RIMBP2: variants seen among roughly 807,000 people sequenced by gnomAD.
The protein encoded by RIMBP2 is RIMS-binding protein 2.
In RIMBP2, 48 loss-of-function variants were observed where a neutral mutation model predicts 118.6. The observed-to-expected ratio is 0.40, with a 90% CI of 0.32 to 0.51. RIMBP2 has a LOEUF of 0.51. RIMBP2 is among the 20% of genes least tolerant of loss of function. RIMBP2 has a pLI of 0.41. For synonymous variants in RIMBP2, 762 were observed against 742.9 expected (o/e 1.03, Z -0.42); for missense variants, 1,551 against 1,768.3 (o/e 0.88, Z 2.20).
At chr12:130,414,100 C>T (rs754468104) in intron 18 of RIMBP2, 25 bp downstream of exon 18, 1 of 1,613,030 alleles carries the variant, frequency 6.2e-7, no homozygotes, top group South Asian at 1.1e-5. Flanking sequence ...GCTGATGAAG[C>T]CGCCCGCAGG....
chr12:130,669,512 T>C (rs894124112), intron 1 of RIMBP2, among the ~76,000 whole-genome samples: 2 of 152,018 alleles, frequency 1.3e-5, no homozygotes, highest in African/African-American at 4.8e-5. Flanking sequence ...CGAGATCTGG[T>C]GGTTTTATAA....
At position 130,579,263 on chromosome 12, in the gene RIMBP2, A is replaced by G. The variant is rs149825415; in HGVS notation, c.-217+49059T>C. 3.9e-5 allele frequency among the ~76,000 whole-genome samples: 6 copies of G among 152,260 alleles called. No individual in the cohort carries two copies. The East Asian group carries it at 1.2e-3, about 29-fold the overall frequency. ...TTCACAGTGGCTGGCCTTTTCTAGA[A>G]ACAATGTGGTTTGGACTAGGTGTCT... On this transcript the variant is annotated intron_variant, in intron 2 of 22. Transcript: ENST00000690449.
At chr12:130,492,745 G>T (rs2048758038) in intron 4 of RIMBP2, among the ~76,000 whole-genome samples, 1 of 152,170 alleles carries the variant, frequency 6.6e-6, no homozygotes, top group African/African-American at 2.4e-5. Flanking sequence ...GTACCTCTCT[G>T]AACCTCAGGT....
At chr12:130,439,842 T>TGTGTAC (rs2077957566) in intron 11 of RIMBP2, among the ~76,000 whole-genome samples, 1 of 118,714 alleles carries the variant, frequency 8.4e-6, no homozygotes, top group South Asian at 2.8e-4. Context: ...TGTATGTGTA[T>TGTGTAC]CTGTGAGTCT....
chr12:130,466,375 G>C (rs2080478569), intron 6 of RIMBP2: 1 of 152,154 alleles, frequency 6.6e-6, no homozygotes, highest in Non-Finnish European at 1.5e-5. Flanking sequence ...CCCAAAACTA[G>C]CTCAGGGTAC....
intron 2 of RIMBP2, among the ~76,000 whole-genome samples, chr12:130,533,622 A>G (rs1052440611): frequency 6.6e-6 from 1 of 152,252 alleles, no homozygotes; most frequent in Admixed American, 6.5e-5. Context: ...TGTTCACCAT[A>G]ACACTATTCA....
intron 1 of RIMBP2, among the ~76,000 whole-genome samples, chr12:130,696,257 G>A (rs2065570754): frequency 1.3e-5 from 2 of 152,228 alleles, no homozygotes; most frequent in Admixed American, 1.3e-4. Context: ...GCAGCTGCCT[G>A]GGGAGGGCAG....
At chr12:130,562,171 T>C (rs2056870637) in intron 2 of RIMBP2, among the ~76,000 whole-genome samples, 1 of 152,172 alleles carries the variant, frequency 6.6e-6, no homozygotes, top group South Asian at 2.1e-4. Context: ...AAATGAAACA[T>C]TTGTGTGTAA....
intron 3 of RIMBP2, among the ~76,000 whole-genome samples, chr12:130,509,245 TG>T (rs1169653580): frequency 6.6e-6 from 1 of 152,220 alleles, no homozygotes; most frequent in African/African-American, 2.4e-5. Context: ...CCTTTCCTTC[TG>T]GGAGTCGGAA....
At chr12:130,451,479 C>T in intron 7 of RIMBP2, 139 bp from the exon 8 acceptor site, 1 of 940,406 alleles carries the variant, frequency 1.1e-6, no homozygotes, top group South Asian at 1.7e-5. Context: ...CACCCGTCTC[C>T]TGCTCGCCAT....
At chr12:130,640,651 A>G (rs903069566) in intron 1 of RIMBP2, among the ~76,000 whole-genome samples, 1 of 152,178 alleles carries the variant, frequency 6.6e-6, no homozygotes, top group African/African-American at 2.4e-5. Flanking sequence ...CGAGGGAGAC[A>G]CCACGGCCGG....
At chr12:130,567,499 C>T (rs546153686) in intron 2 of RIMBP2, among the ~76,000 whole-genome samples, 1 of 152,338 alleles carries the variant, frequency 6.6e-6, no homozygotes, top group East Asian at 1.9e-4. Flanking sequence ...CTATCCCCCA[C>T]TCTGCCTGAA....
chr12:130,714,244 A>T (rs568603717), intron 1 of RIMBP2, among the ~76,000 whole-genome samples: 1 of 152,236 alleles, frequency 6.6e-6, no homozygotes, highest in African/African-American at 2.4e-5. Flanking sequence ...CCAACAGTGC[A>T]TGGGGCCAAA....
chr12:130,561,744 A>G (rs2056838165), intron 2 of RIMBP2, among the ~76,000 whole-genome samples: 1 of 152,140 alleles, frequency 6.6e-6, no homozygotes, highest in Admixed American at 6.5e-5. Context: ...GGGTTTCTGA[A>G]CGCAGAGGCA....
chr12:130,682,391 C>A (rs528823652), intron 1 of RIMBP2, among the ~76,000 whole-genome samples: 7 of 152,238 alleles, frequency 4.6e-5, no homozygotes, highest in Non-Finnish European at 1.0e-4. Context: ...GACCATTGCA[C>A]CTCCCTGCAA....
intron 2 of RIMBP2, among the ~76,000 whole-genome samples, chr12:130,603,081 G>A (rs1459122751): frequency 3.3e-5 from 5 of 152,128 alleles, no homozygotes; most frequent in South Asian, 2.1e-4. Flanking sequence ...TCAAGAAACA[G>A]TACTAATAAA....
rs2078908597 is a variant in RIMBP2 at position 130,450,494 on chromosome 12, C to A, written c.505-218G>T. 6.6e-6 allele frequency among the ~76,000 whole-genome samples: 1 copy of A among 151,978 alleles called. No individual in the cohort carries two copies. Among genetic ancestry groups the A allele is most frequent in the South Asian group, 2.1e-4 (1 of 4,824 alleles). ...GGACCCCTTATTACATAGGCCCCCT[C>A]TGTGTTTGTAGAGAACCCAGTCCCC... is the stretch of plus-strand genomic sequence containing the variant. On this transcript the variant is annotated intron_variant, in intron 8 of 22. Coordinates refer to ENST00000690449, the MANE Select transcript of RIMBP2 (RefSeq NM_001393629.1). This position sits in a 1 kb window ranked among gnomAD's most constrained non-coding sequence, Gnocchi z 4.8.
At chr12:130,517,554 G>A (rs1181752688) in intron 3 of RIMBP2, among the ~76,000 whole-genome samples, 2 of 152,104 alleles carry the variant, frequency 1.3e-5, no homozygotes, top group Non-Finnish European at 2.9e-5. Context: ...GTTTGGGAGA[G>A]TGGGCACCAA....
chr12:130,442,474 C>T lies in RIMBP2; in HGVS notation c.878G>A (p.Gly293Asp), dbSNP rs1331991023. 1.2e-6 allele frequency: 2 copies of T among 1,614,160 alleles called. No individual in the cohort carries two copies. The highest frequency in any genetic ancestry group is 2.2e-5 in the South Asian group (2 of 91,084). Residue 293 changes from glycine (G) to aspartate (D), a missense_variant, in exon 11 of 23, where the codon GGC (glycine) becomes GAC (aspartate). This residue lies in a region of RIMBP2 where 265 missense variants were observed against 349.5 expected (regional missense o/e 0.76). Transcript: ENST00000690449. This position sits in a 1 kb window ranked among gnomAD's most constrained non-coding sequence, Gnocchi z 6.9. ...DLHSPTHIDA[G>D]ITDNSAGTLD... is the part of the protein sequence containing the mutation. ...GGTCCCGGCACTGTTGTCGGTGATGCCCGCATCTATGTGGGTTGGGGAGTG... is the reference window on the plus strand; with the variant it reads ...GGTCCCGGCACTGTTGTCGGTGATGTCCGCATCTATGTGGGTTGGGGAGTG...
Sources: allele counts gnomAD v4.1 joint callset (sites outside exome capture counted in the v4.1 genomes callset), GRCh38; gene constraint gnomAD v4.1.1; regional missense constraint gnomAD v4.1.1; non-coding constraint Gnocchi (gnomAD v3.1); transcripts MANE v1.5; gene names NCBI Gene and HGNC (gene_info 2026-07-23, HGNC 2026-07-21).